CTNNA3: variants seen among roughly 807,000 people sequenced by gnomAD.
The protein encoded by CTNNA3 is catenin alpha 3.
CTNNA3 carries 76 observed loss-of-function variants against 95.7 expected under a neutral mutation model. The ratio of observed to expected loss-of-function variants is 0.79; its 90% CI spans 0.66 to 0.96. The LOEUF (loss-of-function observed/expected upper bound fraction) is 0.96, where lower values mean the gene tolerates loss of function less well. CTNNA3 is among the 40% of genes least tolerant of loss of function. The probability of loss-of-function intolerance (pLI) is 0.00; values close to 1 mark genes in which losing one functional copy is unlikely to be tolerated. For synonymous variants in CTNNA3, 431 were observed against 374.4 expected, an observed-to-expected ratio of 1.15 and a Z score of -1.74; for missense variants, 1,191 against 1,089.8, an observed-to-expected ratio of 1.09 and a Z score of -1.31.
intron 7 of CTNNA3, among the ~76,000 whole-genome samples, chr10:66,949,013 A>T (rs1307563031): frequency 6.6e-6 from 1 of 152,196 alleles, no homozygotes; most frequent in African/African-American, 2.4e-5. Flanking sequence ...TTTGATTAGG[A>T]GACTCTGGAA....
intron 13 of CTNNA3, among the ~76,000 whole-genome samples, chr10:66,125,909 A>G (rs370774521): frequency 6.6e-6 from 1 of 152,216 alleles, no homozygotes; most frequent in South Asian, 2.1e-4. Context: ...TCAATTTTGT[A>G]TATATTAATG....
At chr10:66,511,579 CAAG>C (rs1840661660) in intron 11 of CTNNA3, among the ~76,000 whole-genome samples, 1 of 151,270 alleles carries the variant, frequency 6.6e-6, no homozygotes, top group Non-Finnish European at 1.5e-5. Context: ...TCATTTCTTT[CAAG>C]AAGTATTTAA....
chr10:66,360,518 T>C (rs576729634), intron 12 of CTNNA3, among the ~76,000 whole-genome samples: 43 of 152,322 alleles, frequency 2.8e-4, no homozygotes, highest in African/African-American at 1.0e-3. Context: ...CAGATTATGC[T>C]GAATTTTTTG....
At chr10:66,104,302 G>A (rs765328732) in intron 13 of CTNNA3, among the ~76,000 whole-genome samples, 3 of 152,034 alleles carry the variant, frequency 2.0e-5, no homozygotes, top group Admixed American at 6.6e-5. Context: ...ATATATCATC[G>A]CTGAATTAGG....
chr10:66,620,009 A>C (rs1371297977), intron 10 of CTNNA3, among the ~76,000 whole-genome samples: 1 of 152,138 alleles, frequency 6.6e-6, no homozygotes, highest in Non-Finnish European at 1.5e-5. Context: ...AAATGTCAAC[A>C]CTACTAAATG....
intron 11 of CTNNA3, among the ~76,000 whole-genome samples, chr10:66,471,374 G>C (rs1027999629): frequency 6.6e-6 from 1 of 151,554 alleles, no homozygotes; most frequent in African/African-American, 2.4e-5. Context: ...AATTGCTCAA[G>C]ACTGTTTTGA....
At chr10:66,553,551 G>T (rs1842294142) in intron 10 of CTNNA3, among the ~76,000 whole-genome samples, 1 of 125,488 alleles carries the variant, frequency 8.0e-6, no homozygotes. Flanking sequence ...TTTTGAGGCG[G>T]AGTCTTGCTC....
intron 7 of CTNNA3, among the ~76,000 whole-genome samples, chr10:66,912,429 A>G (rs1009022186): frequency 6.6e-6 from 1 of 152,202 alleles, no homozygotes; most frequent in East Asian, 1.9e-4. Flanking sequence ...AGTTTACATA[A>G]AATTCTATTC....
chr10:67,712,470 G>A (rs1227907884), intron 1 of CTNNA3, among the ~76,000 whole-genome samples: 1 of 152,204 alleles, frequency 6.6e-6, no homozygotes, highest in Admixed American at 6.5e-5. Flanking sequence ...TCATGGGCTG[G>A]GCCCAGGGTC....
At chr10:66,547,374 G>A (rs1842071837) in intron 10 of CTNNA3, among the ~76,000 whole-genome samples, 1 of 37,728 alleles carries the variant, frequency 2.7e-5, no homozygotes, top group Admixed American at 4.4e-4. Context: ...GATAGAGTCT[G>A]CTCTGTTGCC....
intron 15 of CTNNA3, among the ~76,000 whole-genome samples, chr10:66,029,244 TA>T (rs1299092210): frequency 2.0e-5 from 3 of 152,270 alleles, no homozygotes; most frequent in African/African-American, 7.2e-5. Context: ...TTAAAAAATG[TA>T]ATACAGAGCA....
chr10:67,074,671 A>T (rs954936554), intron 7 of CTNNA3, among the ~76,000 whole-genome samples: 1 of 152,128 alleles, frequency 6.6e-6, no homozygotes, highest in Non-Finnish European at 1.5e-5. Flanking sequence ...TTTTCATACA[A>T]ATTTATCTAG....
At chr10:67,727,600 C>A (rs1841244651) in intron 1 of CTNNA3, among the ~76,000 whole-genome samples, 1 of 122,628 alleles carries the variant, frequency 8.2e-6, no homozygotes, top group East Asian at 2.2e-4. Context: ...TATCATATAT[C>A]ATATATTATA....
At chr10:67,016,646 A>G (rs1034759386) in intron 7 of CTNNA3, among the ~76,000 whole-genome samples, 2 of 152,188 alleles carry the variant, frequency 1.3e-5, no homozygotes, top group African/African-American at 4.8e-5. Flanking sequence ...AAACTACCAA[A>G]TATTTTTGGG....
chr10:67,142,342 T>G (rs1325312806), intron 7 of CTNNA3, among the ~76,000 whole-genome samples: 1 of 151,910 alleles, frequency 6.6e-6, no homozygotes, highest in Non-Finnish European at 1.5e-5. Flanking sequence ...AAAAAAAAAA[T>G]TTTTTTAATG....
At chr10:66,840,372 T>TCTCTCA (rs1843023433) in intron 7 of CTNNA3, among the ~76,000 whole-genome samples, 19 of 71,372 alleles carry the variant, frequency 2.7e-4, no homozygotes, top group African/African-American at 1.2e-3. Flanking sequence ...TCTCTCTCTC[T>TCTCTCA]CACACACACA....
chr10:66,223,696 C>T (rs2089096622), intron 13 of CTNNA3, among the ~76,000 whole-genome samples: 1 of 152,162 alleles, frequency 6.6e-6, no homozygotes, highest in Admixed American at 6.5e-5. Flanking sequence ...CCCAAGATCA[C>T]CACATTAATA....
upstream of CTNNA3, among the ~76,000 whole-genome samples, chr10:67,699,112 T>A (rs1456731007): frequency 6.6e-6 from 1 of 152,312 alleles, no homozygotes; most frequent in African/African-American, 2.4e-5. Context: ...TTTCAAGGAC[T>A]CTGCTCCTTC....
At chr10:65,936,394 A>G (rs1053856456) in intron 17 of CTNNA3, among the ~76,000 whole-genome samples, 1 of 152,058 alleles carries the variant, frequency 6.6e-6, no homozygotes, top group Non-Finnish European at 1.5e-5. Flanking sequence ...TATTAACGCT[A>G]TAAAAGGGGT....
Sources: allele counts gnomAD v4.1 joint callset (sites outside exome capture counted in the v4.1 genomes callset), GRCh38; gene constraint gnomAD v4.1.1; transcripts MANE v1.5; gene names NCBI Gene and HGNC (gene_info 2026-07-23, HGNC 2026-07-21).